The following ACER2 variants were observed in gnomAD, a reference collection of about 807,000 sequenced individuals.
The protein encoded by ACER2 is alkaline ceramidase 2, also known as alkCDase 2.
In ACER2, 26 loss-of-function variants were observed where a neutral mutation model predicts 34.7. The ratio of observed to expected loss-of-function variants is 0.75; its 90% confidence interval spans 0.55 to 1.04. The LOEUF is 1.04. Ranked by LOEUF, ACER2 falls within the 50% of genes least tolerant of loss-of-function variation. The probability of loss-of-function intolerance (pLI) is 0.00; values close to 1 mark genes in which losing one functional copy is unlikely to be tolerated. For synonymous variants in ACER2, 138 were observed against 132.1 expected (o/e 1.04, Z -0.31); for missense variants, 352 against 340.8 (o/e 1.03, Z -0.26).
At chr9:19,437,580 G>T (rs1831017208) in intron 4 of ACER2, among the ~76,000 whole-genome samples, 1 of 151,980 alleles carries the variant, frequency 6.6e-6, no homozygotes, top group Non-Finnish European at 1.5e-5. Flanking sequence ...CTTCAGTGGC[G>T]CCTCGTTGTC....
At chr9:19,424,349 A>T in intron 2 of ACER2, 6 of 983,682 alleles carry the variant, frequency 6.1e-6, no homozygotes, top group Non-Finnish European at 7.2e-6. Flanking sequence ...TACTTGTGTC[A>T]TTTCCATTTC....
At chr9:19,409,315 G>C in intron 1 of ACER2, 123 bp downstream of exon 1, 1 of 910,642 alleles carries the variant, frequency 1.1e-6, no homozygotes, top group Non-Finnish European at 1.7e-6. Flanking sequence ...TCCAGGGGCT[G>C]AGTCAGTCCA....
chr9:19,450,898 A>G lies in ACER2; in HGVS notation c.*262A>G, dbSNP rs1176760210. The stretch of plus-strand genomic sequence containing the variant: ...TATTTTTGTGCCATACTGGTTTTAA[A>G]CTTTCATGTTGTCACATCTGTTAAT... On this transcript the variant is annotated 3_prime_UTR_variant, in exon 6 of 6. Coordinates refer to ENST00000340967, the MANE Select transcript of ACER2 (RefSeq NM_001010887.3). The G allele has an allele frequency of 2.7e-5, 8 of 293,160 alleles. No individual in the cohort carries two copies. The highest frequency in any genetic ancestry group is 4.9e-5 in the Admixed American group (1 of 20,508). 18.2% of individuals were successfully genotyped at this position (293,160 alleles called of 1,614,324 possible).
intron 1 of ACER2, among the ~76,000 whole-genome samples, chr9:19,411,628 T>C (rs1006649480): frequency 3.3e-5 from 5 of 152,218 alleles, no homozygotes; most frequent in African/African-American, 4.8e-5. Context: ...AGAAAGACAG[T>C]AGACTGTTAT....
At chr9:19,445,383 C>T (rs1831321964) in intron 4 of ACER2, among the ~76,000 whole-genome samples, 1 of 152,172 alleles carries the variant, frequency 6.6e-6, no homozygotes. Context: ...GATTCCATGT[C>T]AGTGGATAAA....
chr9:19,416,419 G>A (rs550777510), intron 1 of ACER2, among the ~76,000 whole-genome samples: 3 of 152,176 alleles, frequency 2.0e-5, no homozygotes, highest in Non-Finnish European at 4.4e-5. Flanking sequence ...GGAAGGAGCC[G>A]GGCTCTGTGC....
chr9:19,443,257 C>G (rs1441020582), intron 4 of ACER2, among the ~76,000 whole-genome samples: 1 of 152,186 alleles, frequency 6.6e-6, no homozygotes, highest in Non-Finnish European at 1.5e-5. Context: ...TGGTCTTGAT[C>G]TCCTGAACTC....
At chr9:19,432,534 C>T (rs1830787458) in intron 3 of ACER2, among the ~76,000 whole-genome samples, 1 of 149,556 alleles carries the variant, frequency 6.7e-6, no homozygotes, top group South Asian at 2.1e-4. Context: ...TTAGGACCTG[C>T]AAAACCTATA....
chr9:19,418,967 A>G (rs1554651041), intron 1 of ACER2, among the ~76,000 whole-genome samples: 1 of 152,110 alleles, frequency 6.6e-6, no homozygotes, highest in Non-Finnish European at 1.5e-5. Flanking sequence ...AGGGTGGATC[A>G]CCTGAGGTCA....
chr9:19,434,959 G>C lies in ACER2; in HGVS notation c.378G>C (p.Lys126Asn), dbSNP rs780976803. The change falls in exon 4 of 6, where the codon AAG becomes AAC. Residue 126 changes from lysine (K) to asparagine (N), a missense_variant. By Grantham distance (94) the Lys-to-Asn change is moderately conservative. Coordinates refer to ENST00000340967, the MANE Select transcript of ACER2 (RefSeq NM_001010887.3). ...TTCATGGATTCAGGGGTAGGTTCAA[G>C]GTGGTGGTCAGTGTCCTGTCTGCGG... Reference protein sequence around the residue: ...KIFRNDRGRFKVVVSVLSAVT... With the variant: ...KIFRNDRGRFNVVVSVLSAVT... 1 of 1,613,820 alleles carries C rather than the reference G, an allele frequency of 6.2e-7. No homozygotes were observed. The highest frequency in any genetic ancestry group is 1.1e-5 in the South Asian group (1 of 91,060).
chr9:19,431,603 G>A (rs1339834182), intron 3 of ACER2, among the ~76,000 whole-genome samples: 1 of 152,234 alleles, frequency 6.6e-6, no homozygotes, highest in East Asian at 1.9e-4. Flanking sequence ...CCCTCACCCT[G>A]AGGCTGGAGC....
chr9:19,435,222 C>A (rs890084765), intron 4 of ACER2, 138 bp downstream of exon 4: 13 of 1,143,842 alleles, frequency 1.1e-5, no homozygotes, highest in Admixed American at 2.9e-5. Flanking sequence ...TGGATGGAAG[C>A]AATTTGATGG....
chr9:19,446,561 A>G, intron 5 of ACER2, 143 bp downstream of exon 5: 1 of 1,507,062 alleles, frequency 6.6e-7, no homozygotes, highest in Non-Finnish European at 8.8e-7. Flanking sequence ...CAGATGGTTC[A>G]GAAGCCACTG....
chr9:19,450,734 G>C lies in ACER2; in HGVS notation c.*98G>C, dbSNP rs1285413545. 8.2e-6 allele frequency: 10 copies of C among 1,214,150 alleles called. No individual in the cohort carries two copies. The East Asian group carries it at 2.4e-4, about 30-fold the overall frequency. 75.2% of individuals were successfully genotyped at this position (1,214,150 alleles called of 1,614,324 possible). ...AAGGGAGTTCGAATAGTTGGGGTGTGGGCTATCTTTTCAAAAATCTATTTG... is the reference window on the plus strand; with the variant it reads ...AAGGGAGTTCGAATAGTTGGGGTGTCGGCTATCTTTTCAAAAATCTATTTG... On this transcript the variant is annotated 3_prime_UTR_variant, in exon 6 of 6. Coordinates refer to ENST00000340967, the MANE Select transcript of ACER2 (RefSeq NM_001010887.3).
chr9:19,414,167 G>A (rs550351502), intron 1 of ACER2, among the ~76,000 whole-genome samples: 1 of 152,286 alleles, frequency 6.6e-6, no homozygotes, highest in South Asian at 2.1e-4. Flanking sequence ...CATGCCTTGG[G>A]AAGCCCCCTC....
intron 4 of ACER2, among the ~76,000 whole-genome samples, chr9:19,439,535 C>T (rs542469927): frequency 1.3e-5 from 2 of 152,116 alleles, no homozygotes; most frequent in South Asian, 2.1e-4. Flanking sequence ...AGTAGAGACC[C>T]AGCCTAAAGG....
chr9:19,440,617 GAAAC>G (rs1831124134), intron 4 of ACER2, among the ~76,000 whole-genome samples: 1 of 152,128 alleles, frequency 6.6e-6, no homozygotes, highest in African/African-American at 2.4e-5. Context: ...AGAACTATGA[GAAAC>G]AAATTTCTGT....
intron 3 of ACER2, among the ~76,000 whole-genome samples, chr9:19,429,034 C>T (rs186673942): frequency 2.6e-5 from 4 of 151,638 alleles, no homozygotes; most frequent in South Asian, 2.1e-4. Flanking sequence ...ATGATCCGCT[C>T]GCCTCGGCCT....
At chr9:19,440,192 C>A (rs940411995) in intron 4 of ACER2, among the ~76,000 whole-genome samples, 2 of 152,192 alleles carry the variant, frequency 1.3e-5, no homozygotes. Context: ...TTTGCCATGG[C>A]TCCTGTGATA....
Sources: gnomAD v4.1 joint callset for allele counts (sites outside exome capture counted in the v4.1 genomes callset) on GRCh38, gnomAD v4.1.1 for gene constraint, MANE v1.5 for transcripts, NCBI Gene and HGNC (gene_info 2026-07-23, HGNC 2026-07-21) for gene names.